KCNQ5: variants seen among roughly 807,000 people sequenced by gnomAD.
KCNQ5 encodes the protein potassium voltage-gated channel subfamily Q member 5, also known as potassium voltage-gated channel subfamily KQT member 5.
Under a neutral mutation model 98.2 loss-of-function variants are expected in KCNQ5, and 30 were observed. The observed-to-expected ratio is 0.31, with a 90% CI of 0.23 to 0.41. The LOEUF is 0.41. KCNQ5 is among the 10% of genes least tolerant of loss of function. The pLI is 1.00. For synonymous variants in KCNQ5, 458 were observed against 449.4 expected (o/e 1.02, Z -0.24); for missense variants, 835 against 1,182.5 (o/e 0.71, Z 4.31).
chr6:72,773,218 C>A (rs1199692483), intron 1 of KCNQ5, among the ~76,000 whole-genome samples: 1 of 152,106 alleles, frequency 6.6e-6, no homozygotes, highest in African/African-American at 2.4e-5. Flanking sequence ...ATAGCAAAGA[C>A]ATGGAACCAA....
intron 1 of KCNQ5, among the ~76,000 whole-genome samples, chr6:72,838,906 C>T (rs1414661209): frequency 3.6e-5 from 5 of 138,044 alleles, no homozygotes; most frequent in Non-Finnish European, 6.1e-5. Context: ...GCCGAGATCC[C>T]GCCACTGCAC....
intron 1 of KCNQ5, among the ~76,000 whole-genome samples, chr6:72,981,402 T>G (rs1459012880): frequency 6.6e-6 from 1 of 152,150 alleles, no homozygotes; most frequent in Admixed American, 6.5e-5. Flanking sequence ...TGTATATGTA[T>G]AGGAATTTAT....
chr6:73,020,272 T>A (rs1333995471), intron 2 of KCNQ5, among the ~76,000 whole-genome samples: 1 of 152,104 alleles, frequency 6.6e-6, no homozygotes, highest in Admixed American at 6.6e-5. Context: ...CAATCAACTA[T>A]AGATCAGCGT....
intron 1 of KCNQ5, among the ~76,000 whole-genome samples, chr6:72,876,316 C>G (rs1360262223): frequency 6.6e-6 from 1 of 152,012 alleles, no homozygotes; most frequent in Non-Finnish European, 1.5e-5. Flanking sequence ...TTGAAAATAT[C>G]TAAAGAAAAA....
chr6:73,034,484 T>G (rs1771300842), intron 2 of KCNQ5, among the ~76,000 whole-genome samples: 1 of 152,206 alleles, frequency 6.6e-6, no homozygotes, highest in African/African-American at 2.4e-5. Flanking sequence ...AAACTAATGG[T>G]CACAGAAGAC....
intron 8 of KCNQ5, among the ~76,000 whole-genome samples, chr6:73,122,824 A>C (rs1361892243): frequency 6.6e-6 from 1 of 152,220 alleles, no homozygotes; most frequent in Admixed American, 6.5e-5. Flanking sequence ...AGAGTCCCTG[A>C]AGCCAAGTTC....
At chr6:73,122,334 A>G (rs1490023899) in intron 8 of KCNQ5, among the ~76,000 whole-genome samples, 6 of 152,216 alleles carry the variant, frequency 3.9e-5, no homozygotes, top group Admixed American at 3.3e-4. Context: ...TTGGATTAAA[A>G]GTCATTAAAA....
At chr6:72,925,323 A>G (rs1780587465) in intron 1 of KCNQ5, among the ~76,000 whole-genome samples, 1 of 152,222 alleles carries the variant, frequency 6.6e-6, no homozygotes, top group Admixed American at 6.5e-5. Flanking sequence ...TCAACTCAGT[A>G]AAGATGTTTA....
intron 7 of KCNQ5, among the ~76,000 whole-genome samples, chr6:73,113,132 A>G (rs1260988791): frequency 6.6e-6 from 1 of 152,238 alleles, no homozygotes; most frequent in Non-Finnish European, 1.5e-5. Context: ...CCCAAGGTCC[A>G]GAATTCATAG....
intron 1 of KCNQ5, among the ~76,000 whole-genome samples, chr6:72,636,578 A>C (rs2098924255): frequency 6.6e-6 from 1 of 152,222 alleles, no homozygotes; most frequent in Non-Finnish European, 1.5e-5. Flanking sequence ...AATGGAGTTG[A>C]GAATTTAGAT....
At chr6:72,627,312 G>T (rs1188153232) in intron 1 of KCNQ5, among the ~76,000 whole-genome samples, 1 of 152,126 alleles carries the variant, frequency 6.6e-6, no homozygotes, top group African/African-American at 2.4e-5. Context: ...CATAGTGGAG[G>T]CTAGAGACTG....
chr6:72,687,202 A>G (rs1224390691), intron 1 of KCNQ5, among the ~76,000 whole-genome samples: 1 of 152,240 alleles, frequency 6.6e-6, no homozygotes, highest in East Asian at 1.9e-4. Flanking sequence ...TACTTAAGCC[A>G]ATATTGATTG....
chr6:73,025,623 C>CAAAAAAAAAAAAAAAAAAA (rs58607159), intron 2 of KCNQ5, among the ~76,000 whole-genome samples: 24 of 52,998 alleles, frequency 4.5e-4, no homozygotes, highest in East Asian at 1.0e-3. Context: ...AACTCCATCT[C>CAAAAAAAAAAAAAAAAAAA]AAAAAAAAAA....
At chr6:73,087,047 T>C (rs748058294) in intron 5 of KCNQ5, among the ~76,000 whole-genome samples, 7 of 152,250 alleles carry the variant, frequency 4.6e-5, no homozygotes, top group Non-Finnish European at 1.0e-4. Flanking sequence ...GGAGATGGCT[T>C]AATTAGTAGC....
chr6:72,729,527 C>A (rs957875929), intron 1 of KCNQ5, among the ~76,000 whole-genome samples: 2 of 152,180 alleles, frequency 1.3e-5, no homozygotes, highest in South Asian at 4.1e-4. Flanking sequence ...CTCAGGTGAT[C>A]CTCCTTGCTG....
chr6:72,966,457 A>G (rs973005614), intron 1 of KCNQ5, among the ~76,000 whole-genome samples: 3 of 151,880 alleles, frequency 2.0e-5, no homozygotes, highest in African/African-American at 7.3e-5. Context: ...AATCCCAGCT[A>G]CTCAGGAGGC....
chr6:72,873,455 G>T (rs565953979), intron 1 of KCNQ5, among the ~76,000 whole-genome samples: 1 of 151,978 alleles, frequency 6.6e-6, no homozygotes, highest in South Asian at 2.1e-4. Context: ...GTACAATCTG[G>T]GTGAGATTTT....
At chr6:73,040,012 TC>T (rs1198376031) in intron 2 of KCNQ5, among the ~76,000 whole-genome samples, 1 of 146,804 alleles carries the variant, frequency 6.8e-6, no homozygotes, top group African/African-American at 2.7e-5. Flanking sequence ...CTTGTCATTT[TC>T]CCCTCACCTT....
chr6:73,034,997 C>T (rs1368277977), intron 2 of KCNQ5, among the ~76,000 whole-genome samples: 5 of 149,014 alleles, frequency 3.4e-5, no homozygotes, highest in African/African-American at 1.0e-4. Flanking sequence ...AGGCGCCCGC[C>T]ACCACACCCA....
Sources: gnomAD v4.1 joint callset for allele counts (sites outside exome capture counted in the v4.1 genomes callset) on GRCh38, gnomAD v4.1.1 for gene constraint, MANE v1.5 for transcripts, NCBI Gene and HGNC (gene_info 2026-07-23, HGNC 2026-07-21) for gene names.